Variants in ABTB2 observed in about 807,000 individuals in gnomAD.
ABTB2 encodes ankyrin repeat and BTB/POZ domain-containing protein 2.
ABTB2 carries 56 observed loss-of-function variants against 104.1 expected under a neutral mutation model. That is an observed-to-expected ratio of 0.54 (90% CI 0.43 to 0.67). ABTB2 has a LOEUF of 0.67. Ranked by LOEUF, ABTB2 falls within the 30% of genes least tolerant of loss-of-function variation. The pLI is 0.00. For missense variants in ABTB2, 1,279 were observed against 1,407.7 expected, an observed-to-expected ratio of 0.91 and a Z score of 1.46; for synonymous variants, 606 against 608.2, an observed-to-expected ratio of 1.00 and a Z score of 0.05.
rs560202409 is a variant in ABTB2 at position 34,190,096 on chromosome 11, C to T, written c.1244+7229G>A. Reference sequence around the variant, plus strand: ...CTCTACTAAAAATACAAAAATTAGCCAGGCATGGTGGCATGTGCCTATAAT... The same window carrying T: ...CTCTACTAAAAATACAAAAATTAGCTAGGCATGGTGGCATGTGCCTATAAT... On this transcript the variant is annotated intron_variant, in intron 3 of 16. Transcript: ENST00000435224. Among the ~76,000 whole-genome samples, 382 of 152,228 alleles carry T rather than the reference C, an allele frequency of 2.5e-3. 3 individuals carry two copies. Among genetic ancestry groups the T allele is most frequent in the African/African-American group, 8.9e-3 (368 of 41,538 alleles).
At chr11:34,320,576 C>G (rs1854987344) in intron 1 of ABTB2, among the ~76,000 whole-genome samples, 1 of 152,184 alleles carries the variant, frequency 6.6e-6, no homozygotes, top group Admixed American at 6.5e-5. Context: ...CAAAGTAGAA[C>G]TTGAAAGCTC....
In ABTB2 at chr11:34,174,630, C is replaced by T. The variant is rs1038329187; in HGVS notation, c.1245-1323G>A. Among the ~76,000 whole-genome samples the T allele has an allele frequency of 6.6e-5, 10 of 152,266 alleles. 1 individual carries two copies. In the South Asian group the frequency reaches 2.1e-3, roughly 31 times the overall value. ...GGGACGCGTTTCTGTCCTCTGCCAG[C>T]TCTGGCAAGGCTCCGTGTTGGAGCC... is the stretch of plus-strand genomic sequence containing the variant. On this transcript the variant is annotated intron_variant, in intron 3 of 16. Coordinates refer to ENST00000435224, the MANE Select transcript of ABTB2 (RefSeq NM_145804.3).
At chr11:34,169,739 C>G (rs1056691533) in intron 5 of ABTB2, among the ~76,000 whole-genome samples, 1 of 152,144 alleles carries the variant, frequency 6.6e-6, no homozygotes, top group African/African-American at 2.4e-5. Context: ...CTTCCCCAAC[C>G]CCTGGCCTGG....
At chr11:34,274,158 CAAAAAAAAAAAAAA>C (rs763755237) in intron 1 of ABTB2, among the ~76,000 whole-genome samples, 1 of 50,734 alleles carries the variant, frequency 2.0e-5, no homozygotes, top group East Asian at 1.8e-3. Flanking sequence ...GACTCCGTCT[CAAAAAAAAAAAAAA>C]AAAAAAAAAA....
At chr11:34,308,865 T>G in intron 1 of ABTB2, among the ~76,000 whole-genome samples, 1 of 34,708 alleles carries the variant, frequency 2.9e-5, no homozygotes, top group Admixed American at 4.2e-4. Flanking sequence ...GAGGAAACTG[T>G]CTCAAAAAAA....
chr11:34,216,808 TGGCTTGATATTCCAGAAGCAG>T (rs1853553612), intron 1 of ABTB2, among the ~76,000 whole-genome samples: 1 of 152,204 alleles, frequency 6.6e-6, no homozygotes, highest in Admixed American at 6.5e-5. Flanking sequence ...CATGTCTGCA[TGGCTTGATATTCCAGAAGCAG>T]GGCTTGGACA....
At chr11:34,224,163 C>G (rs1411563592) in intron 1 of ABTB2, among the ~76,000 whole-genome samples, 1 of 152,126 alleles carries the variant, frequency 6.6e-6, no homozygotes, top group East Asian at 1.9e-4. Flanking sequence ...CAAGTGTATG[C>G]CACCACACCC....
At chr11:34,221,937 T>C (rs1044869199) in intron 1 of ABTB2, among the ~76,000 whole-genome samples, 3 of 151,946 alleles carry the variant, frequency 2.0e-5, no homozygotes, top group African/African-American at 7.3e-5. Flanking sequence ...CCTATCTACT[T>C]GGGAGGCTGA....
chr11:34,271,394 G>A (rs1404342441), intron 1 of ABTB2, among the ~76,000 whole-genome samples: 1 of 152,160 alleles, frequency 6.6e-6, no homozygotes, highest in East Asian at 1.9e-4. Context: ...CTGGCTCCAG[G>A]GGAGGGAGCT....
chr11:34,254,670 C>CTTTTT (rs57784717), intron 1 of ABTB2, among the ~76,000 whole-genome samples: 7 of 127,678 alleles, frequency 5.5e-5, no homozygotes, highest in Non-Finnish European at 6.6e-5. Context: ...ATATTAGAAA[C>CTTTTT]TTTTTTTTTT....
intron 1 of ABTB2, among the ~76,000 whole-genome samples, chr11:34,273,029 T>C (rs960186782): frequency 5.9e-5 from 9 of 152,126 alleles, no homozygotes; most frequent in Non-Finnish European, 1.2e-4. Flanking sequence ...AATAACTTAA[T>C]ATATATAAAG....
intron 1 of ABTB2, among the ~76,000 whole-genome samples, chr11:34,331,641 C>A (rs1158023727): frequency 6.6e-6 from 1 of 152,212 alleles, no homozygotes; most frequent in Non-Finnish European, 1.5e-5. Context: ...AGGTTACTCT[C>A]TTACTCATAA....
intron 1 of ABTB2, among the ~76,000 whole-genome samples, chr11:34,250,731 C>T (rs1329703361): frequency 6.6e-6 from 1 of 152,194 alleles, no homozygotes; most frequent in East Asian, 1.9e-4. Context: ...GAGCACCAAC[C>T]CCAAACTTCT....
chr11:34,174,979 C>T (rs1852943024), intron 3 of ABTB2, among the ~76,000 whole-genome samples: 1 of 152,266 alleles, frequency 6.6e-6, no homozygotes, highest in African/African-American at 2.4e-5. Flanking sequence ...TCCAGCCACC[C>T]CAACTCCCTC....
At chr11:34,274,417 C>T (rs1370465734) in intron 1 of ABTB2, among the ~76,000 whole-genome samples, 1 of 152,042 alleles carries the variant, frequency 6.6e-6, no homozygotes, top group African/African-American at 2.4e-5. Context: ...GGCTGCACTC[C>T]ATCACCAGAG....
intron 1 of ABTB2, among the ~76,000 whole-genome samples, chr11:34,297,542 A>G (rs1303885060): frequency 6.6e-6 from 1 of 152,140 alleles, no homozygotes; most frequent in Non-Finnish European, 1.5e-5. Context: ...CTGTAATCCC[A>G]GCACTTTGGG....
chr11:34,225,909 G>C (rs1390640731), intron 1 of ABTB2, among the ~76,000 whole-genome samples: 1 of 150,408 alleles, frequency 6.6e-6, no homozygotes, highest in Non-Finnish European at 1.5e-5. Flanking sequence ...ATAGGTTTTA[G>C]AAGCCGCTAT....
rs555318797 is a variant in ABTB2 at position 34,226,032 on chromosome 11, C to T, written c.884-21342G>A. Among the ~76,000 whole-genome samples the T allele has an allele frequency of 5.3e-5, 8 of 151,650 alleles. No individual in the cohort carries two copies. In the East Asian group the frequency reaches 9.7e-4, roughly 18 times the overall value. ...CAGCCTGGGCAACATGGTGAAACCC[C>T]GTCTCTACCAAAAATACAAAAAATT... On this transcript the variant is annotated intron_variant, in intron 1 of 16. Coordinates refer to ENST00000435224, the MANE Select transcript of ABTB2 (RefSeq NM_145804.3).
intron 3 of ABTB2, among the ~76,000 whole-genome samples, chr11:34,187,005 C>T (rs918609409): frequency 2.6e-5 from 4 of 152,194 alleles, no homozygotes; most frequent in African/African-American, 7.2e-5. Flanking sequence ...TTGATACAAC[C>T]GACCTCCATT....
Sources: gnomAD v4.1 joint callset for allele counts (sites outside exome capture counted in the v4.1 genomes callset) on GRCh38, gnomAD v4.1.1 for gene constraint, MANE v1.5 for transcripts, NCBI Gene and HGNC (gene_info 2026-07-23, HGNC 2026-07-21) for gene names.